ASH1L: variants seen among roughly 807,000 people sequenced by gnomAD.
ASH1L encodes ASH1 like histone lysine methyltransferase.
A neutral mutation model predicts 269.0 loss-of-function variants in ASH1L; 23 were observed. The ratio of observed to expected loss-of-function variants is 0.09; its 90% CI spans 0.06 to 0.12. The LOEUF is 0.12. Among genes scored for constraint, ASH1L ranks in the 10% least tolerant of loss-of-function variants. The probability of loss-of-function intolerance (pLI) is 1.00; values close to 1 mark genes in which losing one functional copy is unlikely to be tolerated. For synonymous variants in ASH1L, 1,187 were observed against 1,253.5 expected, an observed-to-expected ratio of 0.95 and a Z score of 1.12; for missense variants, 2,912 against 3,567.8, an observed-to-expected ratio of 0.82 and a Z score of 4.68.
At chr1:155,407,763 AT>A (rs1659417298) in intron 6 of ASH1L, among the ~76,000 whole-genome samples, 1 of 152,162 alleles carries the variant, frequency 6.6e-6, no homozygotes, top group East Asian at 1.9e-4. Context: ...ATACTACAAC[AT>A]GCATGAAACC....
chr1:155,450,597 A>G (rs1663392052), intron 4 of ASH1L, among the ~76,000 whole-genome samples: 2 of 152,234 alleles, frequency 1.3e-5, no homozygotes, highest in African/African-American at 4.8e-5. Context: ...TACACTGTTG[A>G]TGGGAATGTA....
chr1:155,490,098 A>G (rs1666657476), intron 2 of ASH1L, among the ~76,000 whole-genome samples: 2 of 151,518 alleles, frequency 1.3e-5, no homozygotes, highest in African/African-American at 4.8e-5. Context: ...CCTCCCAAGT[A>G]GCTGGGACTA....
At chr1:155,489,936 T>C (rs1407487825) in intron 2 of ASH1L, among the ~76,000 whole-genome samples, 8 of 152,206 alleles carry the variant, frequency 5.3e-5, no homozygotes, top group South Asian at 2.1e-4. Context: ...CTGAAGGGCA[T>C]ATGCATTAGT....
chr1:155,448,388 C>A (rs903479210), intron 4 of ASH1L, among the ~76,000 whole-genome samples: 3 of 152,036 alleles, frequency 2.0e-5, no homozygotes, highest in African/African-American at 7.3e-5. Flanking sequence ...TGGGTCTTGC[C>A]AAGGTGCTCA....
chr1:155,378,600 A>G (rs1445792639), intron 8 of ASH1L, 52 bp from the exon 9 acceptor site: 1 of 1,414,296 alleles, frequency 7.1e-7, no homozygotes, highest in African/African-American at 1.4e-5. Flanking sequence ...CAAATGCCAG[A>G]CGGCAGCATC....
intron 3 of ASH1L, among the ~76,000 whole-genome samples, chr1:155,475,170 A>G (rs72993483): frequency 1.3e-5 from 2 of 149,830 alleles, no homozygotes; most frequent in African/African-American, 4.9e-5. Context: ...TTATTTTTTG[A>G]GATACAGTCT....
chr1:155,405,032 A>AAT (rs1659154339), intron 6 of ASH1L, among the ~76,000 whole-genome samples: 1 of 150,660 alleles, frequency 6.6e-6, no homozygotes, highest in Non-Finnish European at 1.5e-5. Flanking sequence ...ATCTAAAAAA[A>AAT]AATAATAATA....
At chr1:155,504,793 G>T (rs1194654242) in intron 2 of ASH1L, among the ~76,000 whole-genome samples, 1 of 150,924 alleles carries the variant, frequency 6.6e-6, no homozygotes. Context: ...GGCAGAGGTT[G>T]CAGTGAGCTG....
chr1:155,412,368 C>T (rs1312038982), intron 6 of ASH1L, among the ~76,000 whole-genome samples: 3 of 152,012 alleles, frequency 2.0e-5, no homozygotes, highest in Non-Finnish European at 4.4e-5. Flanking sequence ...AAGATCATAC[C>T]ATTGCACTCC....
intron 2 of ASH1L, among the ~76,000 whole-genome samples, chr1:155,502,166 G>C (rs1028318518): frequency 6.6e-6 from 1 of 150,936 alleles, no homozygotes; most frequent in Non-Finnish European, 1.5e-5. Context: ...CGCCTCCCGG[G>C]TTCAAGCAAC....
At chr1:155,389,878 T>C (rs1489857792) in intron 7 of ASH1L, among the ~76,000 whole-genome samples, 1 of 100,840 alleles carries the variant, frequency 9.9e-6, no homozygotes. Context: ...TACCAGTAGC[T>C]TTTTTTTTTT....
intron 1 of ASH1L, among the ~76,000 whole-genome samples, chr1:155,533,309 GTTACTATTA>G (rs1669815545): frequency 6.6e-6 from 1 of 152,032 alleles, no homozygotes; most frequent in South Asian, 2.1e-4. Context: ...GCATGCGGTA[GTTACTATTA>G]TTATTCCCTT....
intron 7 of ASH1L, among the ~76,000 whole-genome samples, chr1:155,387,814 C>G (rs2148464579): frequency 6.6e-6 from 1 of 152,234 alleles, no homozygotes; most frequent in Non-Finnish European, 1.5e-5. Flanking sequence ...TTTCTTTGAG[C>G]AGTGGTTTGT....
chr1:155,357,556 T>C (rs1027346038), intron 14 of ASH1L, 29 bp downstream of exon 14: 1 of 1,613,206 alleles, frequency 6.2e-7, no homozygotes, highest in Admixed American at 1.7e-5. Context: ...TGAACAGCTT[T>C]TGGGGAAAGT....
rs767376192 is a variant in ASH1L, at chr1:155,357,419, G to A, written c.6961-9C>T. The A allele has an allele frequency of 3.1e-6, 5 of 1,609,440 alleles. No individual in the cohort carries two copies. Among genetic ancestry groups the A allele is most frequent in the Non-Finnish European group, 4.3e-6 (5 of 1,176,122 alleles). The stretch of plus-strand genomic sequence containing the variant: ...TCAGAGAGATGGCCTCTCTGAAAAA[G>A]AGATGGATCAGATTAGAGATTTAAA... On this transcript the variant is annotated splice_polypyrimidine_tract_variant and intron_variant, in intron 14 of 27. Transcript: ENST00000392403.
Position 155,521,365 on chromosome 1 carries a change from C to T in ASH1L, c.155G>A (p.Arg52Gln), listed in dbSNP as rs750694607. 9 of 1,613,992 alleles carry T rather than the reference C, an allele frequency of 5.6e-6. No homozygotes were observed. Among genetic ancestry groups the T allele is most frequent in the South Asian group, 4.4e-5 (4 of 91,082 alleles). ...NTKEEEDLRK[R>Q]NRERNIEAGK... is the part of the protein sequence containing the mutation. Reference sequence around the variant, plus strand: ...AGCTTCGATGTTTCTTTCTCGATTCCGTTTGCGAAGGTCCTCTTCCTCCTT... The same window carrying T: ...AGCTTCGATGTTTCTTTCTCGATTCTGTTTGCGAAGGTCCTCTTCCTCCTT... Residue 52 changes from arginine to glutamine, a missense_variant, in exon 2 of 28, where the codon CGG becomes CAG. This residue lies in a region of ASH1L where 115 missense variants were observed against 101.5 expected (regional missense o/e 1.13). Coordinates refer to ENST00000392403, the MANE Select transcript of ASH1L (RefSeq NM_018489.3).
intron 6 of ASH1L, among the ~76,000 whole-genome samples, chr1:155,406,246 G>C (rs1571124452): frequency 6.8e-6 from 1 of 146,668 alleles, no homozygotes; most frequent in African/African-American, 2.5e-5. Context: ...TTCCCAAATT[G>C]ATCTAGAGTC....
chr1:155,518,466 T>A, intron 2 of ASH1L, among the ~76,000 whole-genome samples: 1 of 151,936 alleles, frequency 6.6e-6, no homozygotes, highest in East Asian at 1.9e-4. Context: ...ATCCACAGAA[T>A]GAGAGAAAAT....
intron 3 of ASH1L, among the ~76,000 whole-genome samples, chr1:155,468,778 A>G (rs1664878654): frequency 6.6e-6 from 1 of 152,166 alleles, no homozygotes; most frequent in African/African-American, 2.4e-5. Flanking sequence ...TATGGAAAAA[A>G]TCAACTGAAG....
Sources: gnomAD v4.1 joint callset for allele counts (sites outside exome capture counted in the v4.1 genomes callset) on GRCh38, gnomAD v4.1.1 for gene constraint, gnomAD v4.1.1 regional missense constraint, MANE v1.5 for transcripts, NCBI Gene and HGNC (gene_info 2026-07-23, HGNC 2026-07-21) for gene names.